Variants in SLC9A8 observed in about 807,000 individuals in gnomAD.
SLC9A8 encodes solute carrier family 9 member A8, also known as sodium/hydrogen exchanger 8.
A neutral mutation model predicts 66.6 loss-of-function variants in SLC9A8; 48 were observed. That is an observed-to-expected ratio of 0.72 (90% confidence interval 0.57 to 0.92). The LOEUF is 0.92. SLC9A8 is among the 40% of genes least tolerant of loss of function. The pLI is 0.00. For synonymous variants in SLC9A8, 274 were observed against 282.6 expected, an observed-to-expected ratio of 0.97 and a Z score of 0.31; for missense variants, 599 against 747.3, an observed-to-expected ratio of 0.80 and a Z score of 2.31.
chr20:49,887,916 G>T lies in SLC9A8; in HGVS notation c.1726G>T (p.Asp576Tyr). Residue 576 changes from aspartate (D) to tyrosine (Y), a missense_variant, in exon 16 of 16, where the codon GAC becomes TAC. Coordinates refer to ENST00000361573, the MANE Select transcript of SLC9A8 (RefSeq NM_015266.3). ...CCAGGGCCCCTCCGGCTCCGAGGAC[G>T]ACGAGCAGGAGCTGCTCTGACGCCA... Reference protein sequence around the residue: ...VRQGPSGSEDDEQELL With the variant: ...VRQGPSGSEDYEQELL 6.2e-7 allele frequency: 1 copy of T among 1,613,604 alleles called. No individual in the cohort carries two copies. The highest frequency in any genetic ancestry group is 1.1e-5 in the South Asian group (1 of 91,042).
intron 3 of SLC9A8, among the ~76,000 whole-genome samples, 182 bp from the exon 4 acceptor site, chr20:49,839,359 A>ATG (rs781641639): frequency 6.6e-6 from 1 of 152,190 alleles, no homozygotes; most frequent in African/African-American, 2.4e-5. Context: ...TTTGCCTGAG[A>ATG]TGTGAGTGAG....
At chr20:49,867,384 C>T (rs1280373942) in intron 10 of SLC9A8, among the ~76,000 whole-genome samples, 2 of 151,918 alleles carry the variant, frequency 1.3e-5, no homozygotes, top group Non-Finnish European at 2.9e-5. Flanking sequence ...GTAGCAGGGC[C>T]CTAACTAAGG....
At chr20:49,827,668 GAAT>G (rs1451511658) in intron 3 of SLC9A8, among the ~76,000 whole-genome samples, 2 of 151,504 alleles carry the variant, frequency 1.3e-5, no homozygotes. Flanking sequence ...ATCCTCTGTT[GAAT>G]AATACCAAAG....
intron 4 of SLC9A8, among the ~76,000 whole-genome samples, chr20:49,844,060 G>A (rs2087877974): frequency 6.6e-6 from 1 of 151,622 alleles, no homozygotes; most frequent in African/African-American, 2.4e-5. Flanking sequence ...ACCCAGTCTT[G>A]AACTTTTCCG....
At position 49,823,062 on chromosome 20, in the gene SLC9A8, T is replaced by C. The variant is rs1287884613; in HGVS notation, c.210T>C (p.Ala70=). Residue 70 remains alanine (A), a splice_region_variant and synonymous_variant, in exon 3 of 16, where the codon GCT becomes GCC. Transcript: ENST00000361573. ...MTIFFSLLVL[A]ICIILVHLLI... is the part of the protein sequence containing the mutation. Reference sequence around the variant, plus strand: ...ATTGTATTATTTTTTTTTCCACAGCTATCTGCATCATATTGGTGCATTTAC... The same window carrying C: ...ATTGTATTATTTTTTTTTCCACAGCCATCTGCATCATATTGGTGCATTTAC... 6.2e-7 allele frequency: 1 copy of C among 1,608,670 alleles called. No individual in the cohort carries two copies. Among genetic ancestry groups the C allele is most frequent in the African/African-American group, 1.3e-5 (1 of 74,800 alleles).
intron 4 of SLC9A8, among the ~76,000 whole-genome samples, chr20:49,842,343 C>T (rs1342603092): frequency 6.6e-6 from 1 of 152,178 alleles, no homozygotes; most frequent in East Asian, 1.9e-4. Flanking sequence ...GCTGGGATTA[C>T]AGGCATGAGC....
intron 8 of SLC9A8, 89 bp downstream of exon 8, chr20:49,855,670 T>C: frequency 7.9e-7 from 1 of 1,273,474 alleles, no homozygotes. Flanking sequence ...ACACAGCATG[T>C]GTACAGTTGC....
intron 3 of SLC9A8, among the ~76,000 whole-genome samples, chr20:49,834,177 CTCTCTCTCTATATATA>C (rs1194784873): frequency 0.015 from 851 of 56,884 alleles, 11 homozygotes; most frequent in East Asian, 0.023. Context: ...CTCTCTCTCT[CTCTCTCTCTATATATA>C]TATATATATA....
chr20:49,815,139 A>G lies in SLC9A8; in HGVS notation c.158A>G (p.Gln53Arg), dbSNP rs759613430. The G allele has an allele frequency of 1.2e-6, 2 of 1,606,234 alleles. No individual in the cohort carries two copies. Among genetic ancestry groups the G allele is most frequent in the Admixed American group, 3.4e-5 (2 of 58,656 alleles). Residue 53 changes from glutamine (Q) to arginine (R), a missense_variant, in exon 2 of 16, where the codon CAA becomes CGA. By Grantham distance (43) the Gln-to-Arg change is conservative. Around this residue, in one of 2 missense-constraint regions of SLC9A8, gnomAD observed 132 missense variants for 120.9 expected, o/e 1.09. Coordinates refer to ENST00000361573, the MANE Select transcript of SLC9A8 (RefSeq NM_015266.3). ...GTGCAGACAGGGGAGCAGGCCCAGC[A>G]AGAGGAGCAGTCCAGCGGCATGACC... ...LPVQTGEQAQ[Q>R]EEQSSGMTIF...
intron 3 of SLC9A8, chr20:49,830,995 G>A: frequency 1.3e-6 from 1 of 750,620 alleles, no homozygotes; most frequent in Non-Finnish European, 2.5e-6. Context: ...TGACTCCCAT[G>A]GCAGCTGCAG....
At chr20:49,875,586 C>T (rs147932509) in intron 11 of SLC9A8, among the ~76,000 whole-genome samples, 10 of 152,260 alleles carry the variant, frequency 6.6e-5, no homozygotes, top group Admixed American at 3.9e-4. Context: ...TGTTCCCCCA[C>T]GCTCCGACAT....
chr20:49,872,360 C>G (rs2089245214), intron 10 of SLC9A8, among the ~76,000 whole-genome samples: 1 of 151,616 alleles, frequency 6.6e-6, no homozygotes, highest in Non-Finnish European at 1.5e-5. Context: ...CCTGCTGGGG[C>G]AATACAAAAA....
intron 12 of SLC9A8, among the ~76,000 whole-genome samples, chr20:49,880,366 G>T (rs2089581536): frequency 6.6e-6 from 1 of 152,110 alleles, no homozygotes; most frequent in Admixed American, 6.5e-5. Context: ...GCAAGCAGCT[G>T]GCAGGCTAAG....
At chr20:49,861,771 G>A (rs528380564) in intron 8 of SLC9A8, among the ~76,000 whole-genome samples, 1 of 152,248 alleles carries the variant, frequency 6.6e-6, no homozygotes, top group Middle Eastern at 3.4e-3. Context: ...ACCAACAATT[G>A]AATTTAATAA....
At chr20:49,828,767 A>C (rs2146497123) in intron 3 of SLC9A8, among the ~76,000 whole-genome samples, 1 of 151,876 alleles carries the variant, frequency 6.6e-6, no homozygotes, top group East Asian at 2.0e-4. Context: ...TTACTCCGGT[A>C]GACGGAGGTT....
chr20:49,839,556 C>A lies in SLC9A8; in HGVS notation c.305C>A (p.Ala102Glu). Residue 102 changes from alanine to glutamate, a missense_variant, in exon 4 of 16, where the codon GCA (alanine) becomes GAA (glutamate). Transcript: ENST00000361573. Reference sequence around the variant, plus strand: ...TCTCTTGTAGGTATTCTCATGGGAGCAGTTATAAAAATTATAGAGTTTAAA... The same window carrying A: ...TCTCTTGTAGGTATTCTCATGGGAGAAGTTATAAAAATTATAGAGTTTAAA... ...AVVSLGILMG[A>E]VIKIIEFKKL... The A allele has an allele frequency of 6.3e-7, 1 of 1,584,838 alleles. No homozygotes were observed. Among genetic ancestry groups the A allele is most frequent in the Non-Finnish European group, 8.7e-7 (1 of 1,155,972 alleles).
chr20:49,835,592 G>A (rs746929080), intron 3 of SLC9A8, among the ~76,000 whole-genome samples: 25 of 150,132 alleles, frequency 1.7e-4, no homozygotes, highest in African/African-American at 4.4e-4. Context: ...TGGACATTTC[G>A]TATAAAGAAA....
intron 13 of SLC9A8, among the ~76,000 whole-genome samples, chr20:49,883,022 T>TC (rs2089690734): frequency 2.3e-5 from 1 of 43,864 alleles, no homozygotes; most frequent in African/African-American, 9.5e-5. Flanking sequence ...CCCACCCCCC[T>TC]CCCCCCACCA....
intron 8 of SLC9A8, among the ~76,000 whole-genome samples, chr20:49,859,283 G>A (rs1473471531): frequency 1.3e-5 from 2 of 152,180 alleles, no homozygotes; most frequent in African/African-American, 2.4e-5. Flanking sequence ...TTTGACAGTC[G>A]GTCCATGATG....
Sources: allele counts gnomAD v4.1 joint callset (sites outside exome capture counted in the v4.1 genomes callset), GRCh38; gene constraint gnomAD v4.1.1; regional missense constraint gnomAD v4.1.1; transcripts MANE v1.5; gene names NCBI Gene and HGNC (gene_info 2026-07-23, HGNC 2026-07-21).